Variants in MDGA2 observed in about 807,000 individuals in gnomAD.
MDGA2 encodes the protein MAM domain containing glycosylphosphatidylinositol anchor 2.
A neutral mutation model predicts 117.8 loss-of-function variants in MDGA2; 40 were observed. That is an observed-to-expected ratio of 0.34 (90% CI 0.26 to 0.44). The LOEUF (loss-of-function observed/expected upper bound fraction) is 0.44, where lower values mean the gene tolerates loss of function less well. MDGA2 is among the 20% of genes least tolerant of loss of function. The pLI is 1.00. For missense variants in MDGA2, 1,123 were observed against 1,250.6 expected (o/e 0.90, Z 1.54); for synonymous variants, 452 against 439.0 (o/e 1.03, Z -0.37).
At chr14:47,363,106 A>C (rs1891158723) in intron 1 of MDGA2, among the ~76,000 whole-genome samples, 1 of 152,168 alleles carries the variant, frequency 6.6e-6, no homozygotes, top group Non-Finnish European at 1.5e-5. Context: ...TGGTAATGAT[A>C]TAAATATCTA....
chr14:47,422,915 G>A (rs1345519483), intron 1 of MDGA2, among the ~76,000 whole-genome samples: 1 of 151,978 alleles, frequency 6.6e-6, no homozygotes, highest in Non-Finnish European at 1.5e-5. Context: ...ATAGATAGAT[G>A]ATAGATGATA....
At chr14:47,060,131 CTAGAA>C (rs1889830355) in intron 7 of MDGA2, among the ~76,000 whole-genome samples, 1 of 151,784 alleles carries the variant, frequency 6.6e-6, no homozygotes, top group Non-Finnish European at 1.5e-5. Flanking sequence ...TTTTTTTAAG[CTAGAA>C]AAGAAATAAT....
chr14:47,570,179 C>T (rs558891249), intron 1 of MDGA2, among the ~76,000 whole-genome samples: 31 of 151,862 alleles, frequency 2.0e-4, no homozygotes, highest in African/African-American at 7.3e-4. Flanking sequence ...GAATTAATTA[C>T]AAAAACTAAA....
chr14:47,450,163 TA>T (rs1893211354), intron 1 of MDGA2, among the ~76,000 whole-genome samples: 1 of 152,098 alleles, frequency 6.6e-6, no homozygotes, highest in South Asian at 2.1e-4. Flanking sequence ...GATAGCTTTT[TA>T]TATGGTAAAT....
intron 3 of MDGA2, chr14:47,200,425 G>A (rs1420368676): frequency 7.6e-6 from 3 of 396,452 alleles, no homozygotes; most frequent in South Asian, 1.7e-4. Flanking sequence ...TTCACTGGAG[G>A]CAATCAAGAG....
intron 8 of MDGA2, among the ~76,000 whole-genome samples, chr14:47,023,049 G>A (rs1158246633): frequency 6.6e-6 from 1 of 152,030 alleles, no homozygotes; most frequent in Non-Finnish European, 1.5e-5. Context: ...CTGGAAATGA[G>A]AACCACTAAG....
In MDGA2 at chr14:47,156,887, A is replaced by T. The variant is rs138145607; in HGVS notation, c.596-12613T>A. Among the ~76,000 whole-genome samples the T allele has an allele frequency of 1.1e-4, 16 of 152,356 alleles. No individual in the cohort carries two copies. In the South Asian group the frequency reaches 3.1e-3, roughly 30 times the overall value. ...CACTTTATGAACAAGAATTTATATT[A>T]CTAATACAACTATATATGAATGCAC... On this transcript the variant is annotated intron_variant, in intron 3 of 16. Transcript: ENST00000399232.
At chr14:47,534,644 C>G (rs190296873) in intron 1 of MDGA2, among the ~76,000 whole-genome samples, 12 of 152,288 alleles carry the variant, frequency 7.9e-5, no homozygotes, top group Admixed American at 5.2e-4. Context: ...CAAGTCCCCC[C>G]CTCCACATGT....
intron 8 of MDGA2, among the ~76,000 whole-genome samples, chr14:46,958,730 C>G (rs1885662999): frequency 6.6e-6 from 1 of 152,182 alleles, no homozygotes; most frequent in Non-Finnish European, 1.5e-5. Flanking sequence ...AGCAGTGTTT[C>G]TTCATTTCCA....
chr14:47,559,992 C>G (rs778891715), intron 1 of MDGA2, among the ~76,000 whole-genome samples: 2 of 152,158 alleles, frequency 1.3e-5, no homozygotes, highest in Admixed American at 1.3e-4. Flanking sequence ...TCCACAATGG[C>G]TGAACTAATT....
rs570555828 is a variant in MDGA2 at position 47,069,051 on chromosome 14, T to G, written c.1196-7473A>C. Among the ~76,000 whole-genome samples the G allele has an allele frequency of 9.8e-5, 15 of 152,300 alleles. No individual in the cohort carries two copies. The South Asian group carries it at 3.1e-3, about 32-fold the overall frequency. On this transcript the variant is annotated intron_variant, in intron 6 of 16. Coordinates refer to ENST00000399232, the MANE Select transcript of MDGA2 (RefSeq NM_001113498.3). Reference sequence around the variant, plus strand: ...GTATTCTCTCAGACTGAAACTTGTTTAGGTCACTTCTAAACTTAAAACACT... The same window carrying G: ...GTATTCTCTCAGACTGAAACTTGTTGAGGTCACTTCTAAACTTAAAACACT...
intron 7 of MDGA2, among the ~76,000 whole-genome samples, chr14:47,043,109 G>T (rs953254364): frequency 1.1e-4 from 16 of 151,982 alleles, no homozygotes; most frequent in Non-Finnish European, 2.2e-4. Context: ...TTTCCAGTAT[G>T]ATTATAACCG....
At chr14:47,054,883 C>A (rs1429804099) in intron 7 of MDGA2, among the ~76,000 whole-genome samples, 1 of 151,754 alleles carries the variant, frequency 6.6e-6, no homozygotes, top group Non-Finnish European at 1.5e-5. Flanking sequence ...CATGTTAGAG[C>A]TAAAACCATA....
chr14:46,981,652 T>A (rs1323315286), intron 8 of MDGA2, among the ~76,000 whole-genome samples: 1 of 152,140 alleles, frequency 6.6e-6, no homozygotes, highest in Non-Finnish European at 1.5e-5. Context: ...TCCAGTACTG[T>A]AAGTTTTCAC....
rs562925733 is a variant in MDGA2 at position 47,622,369 on chromosome 14, T to C, written c.280+52148A>G. On this transcript the variant is annotated intron_variant, in intron 1 of 16. Transcript: ENST00000399232. ...TGTGAAGGGGGCAATTCTGCCTTCA[T>C]TGAGTTAGAGAAATCATGAAAAGGA... Among the ~76,000 whole-genome samples the C allele has an allele frequency of 1.3e-4, 20 of 152,322 alleles. No individual in the cohort carries two copies. The South Asian group carries it at 3.9e-3, about 30-fold the overall frequency.
chr14:47,272,563 T>G (rs905726923), intron 2 of MDGA2, among the ~76,000 whole-genome samples: 1 of 152,164 alleles, frequency 6.6e-6, no homozygotes, highest in Non-Finnish European at 1.5e-5. Flanking sequence ...TATCCAGGGT[T>G]AGAAGCAATC....
chr14:47,674,745 C>G lies in MDGA2; in HGVS notation c.52G>C (p.Gly18Arg), dbSNP rs758162137. The change falls in exon 1 of 17, where the codon GGA becomes CGA. Residue 18 changes from glycine to arginine, a missense_variant. This residue lies in a region of MDGA2 where 233 missense variants were observed against 200.3 expected (regional missense o/e 1.16). Transcript: ENST00000399232. ...AGGAAGCGCCGTCCGTCTGTCCTTC[C>G]CCGGCGGCGGCGGCGAGCGGAGCGC... ...LLRSARRRRR[G>R]RTDGRRFLLR... 5.4e-6 allele frequency: 4 copies of G among 744,224 alleles called. No individual in the cohort carries two copies. 46.1% of individuals were successfully genotyped at this position (744,224 alleles called of 1,614,324 possible).
intron 1 of MDGA2, among the ~76,000 whole-genome samples, chr14:47,440,801 A>C (rs1892993979): frequency 6.6e-6 from 1 of 152,082 alleles, no homozygotes; most frequent in African/African-American, 2.4e-5. Context: ...TCATGGGGGA[A>C]ATATGTGATT....
At chr14:46,867,330 G>C (rs1174217697) in intron 14 of MDGA2, among the ~76,000 whole-genome samples, 5 of 151,974 alleles carry the variant, frequency 3.3e-5, no homozygotes, top group Admixed American at 3.3e-4. Flanking sequence ...CTCATAGGTG[G>C]GAATTGAACA....
Sources: allele counts gnomAD v4.1 joint callset (sites outside exome capture counted in the v4.1 genomes callset), GRCh38; gene constraint gnomAD v4.1.1; regional missense constraint gnomAD v4.1.1; transcripts MANE v1.5; gene names NCBI Gene and HGNC (gene_info 2026-07-23, HGNC 2026-07-21).